The following ACER3 variants were observed in gnomAD, a reference collection of about 807,000 sequenced individuals.
ACER3 encodes alkCDase 3.
Under a neutral mutation model 48.9 loss-of-function variants are expected in ACER3, and 16 were observed. That is an observed-to-expected ratio of 0.33 (90% confidence interval 0.22 to 0.50). The LOEUF (loss-of-function observed/expected upper bound fraction) is 0.50. Ranked by LOEUF, ACER3 falls within the 20% of genes least tolerant of loss-of-function variation. ACER3 has a pLI of 0.98. For missense variants in ACER3, 227 were observed against 326.0 expected (o/e 0.70, Z 2.34); for synonymous variants, 109 against 107.8 (o/e 1.01, Z -0.07).
chr11:77,005,653 T>TA (rs1949119659), intron 7 of ACER3, among the ~76,000 whole-genome samples: 1 of 151,966 alleles, frequency 6.6e-6, no homozygotes, highest in African/African-American at 2.4e-5. Context: ...TTCCTTGACT[T>TA]ATAGCTGCAT....
chr11:77,024,298 A>G lies in ACER3; in HGVS notation c.*3971A>G, dbSNP rs1041915533. On this transcript the variant is annotated 3_prime_UTR_variant, in exon 11 of 11. Coordinates refer to ENST00000532485, the MANE Select transcript of ACER3 (RefSeq NM_018367.7). ...AAAAAAAAAAAAAAAAAAAAAAAAAAAAAGAATTAGGAAATACTTGTTAAA... is the reference window on the plus strand; with the variant it reads ...AAAAAAAAAAAAAAAAAAAAAAAAAGAAAGAATTAGGAAATACTTGTTAAA... 22 of 147,548 alleles carry G rather than the reference A, an allele frequency of 1.5e-4. No homozygotes were observed. Among genetic ancestry groups the G allele is most frequent in the African/African-American group, 5.2e-4 (21 of 40,116 alleles). The allele number at this position is 147,548 out of a possible 1,614,324, so 9.1% of individuals were successfully genotyped here. A position where few individuals can be genotyped will look rare whatever the true frequency, so the allele number is the denominator to read the frequency against.
rs1192278336 is a variant in ACER3, at chr11:77,022,676, C to T, written c.*2349C>T. 6.5e-6 allele frequency: 1 copy of T among 153,906 alleles called. No homozygotes were observed. Among genetic ancestry groups the T allele is most frequent in the African/African-American group, 2.4e-5 (1 of 41,512 alleles). The allele number at this position is 153,906 out of a possible 1,614,324, so 9.5% of individuals were successfully genotyped here. A position where few individuals can be genotyped will look rare whatever the true frequency, so the allele number is the denominator to read the frequency against. On this transcript the variant is annotated 3_prime_UTR_variant, in exon 11 of 11. Transcript: ENST00000532485. ...AGTTGAATTCCTCACTACCCCCTCC[C>T]GCTGTCATTTGTTTTATTGGAAAAC...
chr11:76,919,768 T>C (rs1300956790), intron 1 of ACER3, among the ~76,000 whole-genome samples: 2 of 152,156 alleles, frequency 1.3e-5, no homozygotes, highest in Non-Finnish European at 2.9e-5. Flanking sequence ...AAAGACAATA[T>C]AGCAACATTG....
intron 6 of ACER3, chr11:76,998,421 C>A (rs202123724): frequency 8.4e-5 from 4 of 47,518 alleles, no homozygotes; most frequent in South Asian, 2.6e-4. Context: ...TTGCTGAAAG[C>A]AAAGCTAAAG....
chr11:76,956,818 C>T (rs1040684142), intron 2 of ACER3, among the ~76,000 whole-genome samples: 4 of 151,482 alleles, frequency 2.6e-5, no homozygotes, highest in African/African-American at 7.3e-5. Flanking sequence ...AAAAAAGGCA[C>T]GAACCACCCC....
At chr11:76,867,139 G>GTA (rs1945110799) in intron 1 of ACER3, among the ~76,000 whole-genome samples, 1 of 152,094 alleles carries the variant, frequency 6.6e-6, no homozygotes, top group Non-Finnish European at 1.5e-5. Context: ...ACTGACTAAG[G>GTA]CTATAAAACC....
chr11:76,906,446 A>T (rs1946233607), intron 1 of ACER3, among the ~76,000 whole-genome samples: 2 of 152,232 alleles, frequency 1.3e-5, no homozygotes, highest in African/African-American at 4.8e-5. Flanking sequence ...GCACAAGAGG[A>T]TTGTTTTCCA....
chr11:76,975,663 A>G (rs1186633027), intron 3 of ACER3, among the ~76,000 whole-genome samples: 2 of 152,040 alleles, frequency 1.3e-5, no homozygotes, highest in African/African-American at 4.8e-5. Context: ...ATAGTTTGTA[A>G]TACCAGATGA....
chr11:76,935,790 A>G (rs990393346), intron 2 of ACER3, among the ~76,000 whole-genome samples: 2 of 152,222 alleles, frequency 1.3e-5, no homozygotes, highest in Admixed American at 1.3e-4. Flanking sequence ...AATTAATTAC[A>G]TTTAAATAAA....
At chr11:76,998,893 A>C (rs1422206036) in intron 7 of ACER3, 72 bp downstream of exon 7, 1 of 1,232,270 alleles carries the variant, frequency 8.1e-7, no homozygotes, top group Admixed American at 2.8e-5. Context: ...TATAGCCTAA[A>C]TCAAAATAAC....
chr11:77,006,479 C>T (rs552597447), intron 7 of ACER3, among the ~76,000 whole-genome samples: 1 of 152,198 alleles, frequency 6.6e-6, no homozygotes, highest in South Asian at 2.1e-4. Context: ...CATTTCCTTT[C>T]TGTTTAGAGA....
At chr11:76,990,390 T>G in intron 5 of ACER3, 149 bp from the exon 6 acceptor site, 1 of 698,092 alleles carries the variant, frequency 1.4e-6, no homozygotes, top group Non-Finnish European at 2.7e-6. Context: ...GGCATGCCAC[T>G]TGATCTGATT....
chr11:76,957,374 C>A, intron 2 of ACER3: 2 of 339,552 alleles, frequency 5.9e-6, no homozygotes, highest in Admixed American at 7.1e-5. Context: ...GATATTAAAC[C>A]TTTGATATAT....
intron 1 of ACER3, among the ~76,000 whole-genome samples, chr11:76,873,890 C>T (rs542542762): frequency 6.6e-6 from 1 of 152,252 alleles, no homozygotes; most frequent in East Asian, 1.9e-4. Context: ...GTCTTGTCCA[C>T]TCCATTCTTG....
chr11:76,864,864 G>T (rs1486601436), intron 1 of ACER3, among the ~76,000 whole-genome samples: 1 of 150,376 alleles, frequency 6.6e-6, no homozygotes, highest in African/African-American at 2.4e-5. Context: ...CTCCCAAAGT[G>T]CTGGGATTAC....
chr11:76,960,836 A>T (rs1463208520), intron 3 of ACER3, among the ~76,000 whole-genome samples: 1 of 152,196 alleles, frequency 6.6e-6, no homozygotes, highest in Non-Finnish European at 1.5e-5. Context: ...TCAGTGCAGA[A>T]TAAGAAGGGT....
intron 1 of ACER3, among the ~76,000 whole-genome samples, chr11:76,900,720 T>G (rs1181552523): frequency 6.6e-6 from 1 of 152,216 alleles, no homozygotes; most frequent in East Asian, 1.9e-4. Context: ...TCAGTTTGTT[T>G]TCAGGCACTG....
intron 1 of ACER3, among the ~76,000 whole-genome samples, chr11:76,919,923 C>T (rs1397793914): frequency 6.6e-6 from 1 of 152,174 alleles, no homozygotes; most frequent in African/African-American, 2.4e-5. Flanking sequence ...TGGTCGTTAT[C>T]AATTTATTAC....
At position 77,001,380 on chromosome 11, in the gene ACER3, C is replaced by G. The variant is rs1021512435; in HGVS notation, c.497+2559C>G. Reference sequence around the variant, plus strand: ...AAGTGATTCTCCTGCCTCAGCCTCCCCAGTAGCTGGGATTACAGGCGCCCA... The same window carrying G: ...AAGTGATTCTCCTGCCTCAGCCTCCGCAGTAGCTGGGATTACAGGCGCCCA... On this transcript the variant is annotated intron_variant, in intron 7 of 10. Coordinates refer to ENST00000532485, the MANE Select transcript of ACER3 (RefSeq NM_018367.7). Among the ~76,000 whole-genome samples the G allele has an allele frequency of 2.6e-5, 4 of 152,074 alleles. No individual in the cohort carries two copies. In the East Asian group the frequency reaches 7.7e-4, roughly 29 times the overall value.
Sources: gnomAD v4.1 joint callset for allele counts (sites outside exome capture counted in the v4.1 genomes callset) on GRCh38, gnomAD v4.1.1 for gene constraint, MANE v1.5 for transcripts, NCBI Gene and HGNC (gene_info 2026-07-23, HGNC 2026-07-21) for gene names.